The following CETN3 variants were observed in gnomAD, a reference collection of about 807,000 sequenced individuals.
CETN3 encodes centrin 3.
In CETN3, 17 loss-of-function variants were observed where a neutral mutation model predicts 20.1. The ratio of observed to expected loss-of-function variants is 0.85; its 90% CI spans 0.58 to 1.27. The LOEUF is 1.27. CETN3 is among the 50% of genes most tolerant of loss of function. CETN3 has a pLI of 0.00. For synonymous variants in CETN3, 52 were observed against 59.7 expected (o/e 0.87, Z 0.59); for missense variants, 169 against 191.2 (o/e 0.88, Z 0.69).
chr5:90,409,230 T>C (rs1328419957), intron 1 of CETN3, among the ~76,000 whole-genome samples: 1 of 152,154 alleles, frequency 6.6e-6, no homozygotes, highest in African/African-American at 2.4e-5. Context: ...GTTTTTGTTA[T>C]TTCCAAAATT....
At chr5:90,401,396 G>A (rs976711629) in intron 3 of CETN3, among the ~76,000 whole-genome samples, 2 of 152,040 alleles carry the variant, frequency 1.3e-5, no homozygotes, top group Non-Finnish European at 2.9e-5. Flanking sequence ...CTGATATAGA[G>A]GCAGTTAAGG....
chr5:90,406,730 T>A (rs1749453727), intron 2 of CETN3, among the ~76,000 whole-genome samples: 1 of 148,882 alleles, frequency 6.7e-6, no homozygotes, highest in African/African-American at 2.5e-5. Flanking sequence ...CAAGGTGAAC[T>A]AGTAAGAAAT....
chr5:90,409,347 G>A (rs1289970056), intron 1 of CETN3, among the ~76,000 whole-genome samples: 2 of 152,176 alleles, frequency 1.3e-5, no homozygotes, highest in Non-Finnish European at 2.9e-5. Context: ...AACAAGAGTA[G>A]AAGCCTCGCG....
chr5:90,398,751 G>A (rs910723340), intron 4 of CETN3, among the ~76,000 whole-genome samples: 32 of 152,158 alleles, frequency 2.1e-4, no homozygotes, highest in African/African-American at 7.5e-4. Context: ...CACAGAAATG[G>A]CATTATCAAA....
At chr5:90,398,119 G>A (rs1455400375) in intron 4 of CETN3, among the ~76,000 whole-genome samples, 1 of 151,948 alleles carries the variant, frequency 6.6e-6, no homozygotes, top group Non-Finnish European at 1.5e-5. Flanking sequence ...CTATCTTGTA[G>A]TACATCTTAT....
chr5:90,401,306 C>G (rs1749283495), intron 3 of CETN3, among the ~76,000 whole-genome samples: 4 of 152,072 alleles, frequency 2.6e-5, no homozygotes, highest in Admixed American at 2.6e-4. Context: ...CTCCTCCATG[C>G]CTTCAGGTTC....
At chr5:90,404,714 T>C (rs1749388608) in intron 3 of CETN3, among the ~76,000 whole-genome samples, 1 of 152,196 alleles carries the variant, frequency 6.6e-6, no homozygotes, top group African/African-American at 2.4e-5. Context: ...TTTCTCTGCG[T>C]CTACTAATTG....
chr5:90,405,836 C>G, intron 2 of CETN3, 37 bp from the exon 3 acceptor site: 1 of 1,231,320 alleles, frequency 8.1e-7, no homozygotes, highest in Non-Finnish European at 1.2e-6. Flanking sequence ...TTATAAAGCA[C>G]TCTTTACAAA....
chr5:90,397,754 G>C (rs1260961981), intron 4 of CETN3, among the ~76,000 whole-genome samples: 3 of 151,992 alleles, frequency 2.0e-5, no homozygotes, highest in African/African-American at 4.8e-5. Flanking sequence ...TTGAGTTCTG[G>C]CTCTACCATG....
Position 90,405,920 on chromosome 5 carries a change from T to C in CETN3, c.154-121A>G, listed in dbSNP as rs1749426899. ...TAATAAAATATAACTTTTTTGCATG[T>C]TTTACCTCTTTAAAATAGCAGTGAT... On this transcript the variant is annotated intron_variant, in intron 2 of 4. Transcript: ENST00000283122. 14 of 649,336 alleles carry C rather than the reference T, an allele frequency of 2.2e-5. No homozygotes were observed. The South Asian group carries it at 2.5e-4, about 11-fold the overall frequency. The allele number at this position is 649,336 out of a possible 1,614,324, so 40.2% of individuals were successfully genotyped here. A position where few individuals can be genotyped will look rare whatever the true frequency, so the allele number is the denominator to read the frequency against.
chr5:90,408,868 C>T (rs1340414245), intron 1 of CETN3, among the ~76,000 whole-genome samples: 3 of 151,534 alleles, frequency 2.0e-5, no homozygotes, highest in Non-Finnish European at 4.4e-5. Context: ...GAAGATCTTC[C>T]TTTCATGAGA....
rs751807330 is a variant in CETN3 at position 90,405,692 on chromosome 5, A to C, written c.261T>G (p.Asn87Lys). The C allele has an allele frequency of 1.3e-6, 2 of 1,587,372 alleles. No individual in the cohort carries two copies. The highest frequency in any genetic ancestry group is 1.7e-4 in the Middle Eastern group (1 of 6,010). The stretch of plus-strand genomic sequence containing the variant: ...GACTATTAAAATACACACCAACTTC[A>C]TTAAAATCTTCAAAGGTGATTTTCC... ...ATGKITFEDF[N>K]EVVTDWILER... The change falls in exon 3 of 5, where the codon AAT becomes AAG. Residue 87 changes from asparagine to lysine, a missense_variant. Coordinates refer to ENST00000283122, the MANE Select transcript of CETN3 (RefSeq NM_004365.4).
intron 3 of CETN3, among the ~76,000 whole-genome samples, chr5:90,402,127 CA>C (rs2151883067): frequency 6.6e-6 from 1 of 152,330 alleles, no homozygotes; most frequent in East Asian, 1.9e-4. Flanking sequence ...GCTGGGATTA[CA>C]GGCATGAGCC....
intron 2 of CETN3, among the ~76,000 whole-genome samples, chr5:90,406,854 A>C (rs1250997118): frequency 4.5e-5 from 6 of 132,394 alleles, no homozygotes; most frequent in Non-Finnish European, 7.5e-5. Flanking sequence ...AAAAAAAAAA[A>C]ACAAAAAAAA....
rs755329839 is a variant in CETN3 at position 90,407,791 on chromosome 5, CTCT to C, written c.58_60del (p.Arg20del). ...TCTTGTTTCTGTTCCTCAGACAGTT[CTCT>C]TCTTTTTTTCCTCTTTGTTTTGTCC... On this transcript the variant is annotated inframe_deletion, in exon 2 of 5. Coordinates refer to ENST00000283122, the MANE Select transcript of CETN3 (RefSeq NM_004365.4). 3 of 1,602,278 alleles carry C rather than the reference CTCT, an allele frequency of 1.9e-6. No homozygotes were observed. Among genetic ancestry groups the C allele is most frequent in the Non-Finnish European group, 2.6e-6 (3 of 1,174,090 alleles).
chr5:90,400,093 T>C (rs923726373), intron 3 of CETN3, among the ~76,000 whole-genome samples: 6 of 152,198 alleles, frequency 3.9e-5, no homozygotes, highest in African/African-American at 1.4e-4. Flanking sequence ...CAGACAGCAT[T>C]TGAAAATTCC....
intron 1 of CETN3, among the ~76,000 whole-genome samples, chr5:90,409,295 G>A (rs1480457938): frequency 1.3e-5 from 2 of 152,158 alleles, no homozygotes; most frequent in African/African-American, 2.4e-5. Flanking sequence ...CCCTGACCAG[G>A]CACACGGATG....
intron 3 of CETN3, among the ~76,000 whole-genome samples, chr5:90,403,355 T>C (rs1224399837): frequency 6.6e-6 from 1 of 152,222 alleles, no homozygotes; most frequent in East Asian, 1.9e-4. Flanking sequence ...AGTAATACAT[T>C]TTTATTTGAC....
intron 3 of CETN3, among the ~76,000 whole-genome samples, chr5:90,400,651 A>G (rs1006266419): frequency 1.4e-4 from 21 of 151,626 alleles, no homozygotes; most frequent in African/African-American, 4.8e-4. Context: ...AGGAACCCAG[A>G]ATGAAAAAAA....
Sources: gnomAD v4.1 joint callset for allele counts (sites outside exome capture counted in the v4.1 genomes callset) on GRCh38, gnomAD v4.1.1 for gene constraint, MANE v1.5 for transcripts, NCBI Gene and HGNC (gene_info 2026-07-23, HGNC 2026-07-21) for gene names.